PID1: variants seen among roughly 807,000 people sequenced by gnomAD.
The protein encoded by PID1 is PTB-containing, cubilin and LRP1-interacting protein.
PID1 carries 10 observed loss-of-function variants against 19.1 expected under a neutral mutation model. That is an observed-to-expected ratio of 0.52 (90% CI 0.32 to 0.89). PID1 has a LOEUF of 0.89. Among genes scored for constraint, PID1 ranks in the 40% least tolerant of loss-of-function variants. The pLI, the probability that PID1 is intolerant of heterozygous loss-of-function variation, is 0.03. For missense variants in PID1, 248 were observed against 285.3 expected (o/e 0.87, Z 0.94); for synonymous variants, 130 against 116.0 (o/e 1.12, Z -0.78).
At chr2:229,036,044 G>T in intron 2 of PID1, among the ~76,000 whole-genome samples, 1 of 152,152 alleles carries the variant, frequency 6.6e-6, no homozygotes, top group East Asian at 1.9e-4. Context: ...CCACTTCAAA[G>T]AATAATTCCA....
chr2:229,252,972 T>G (rs1690192993), intron 1 of PID1, among the ~76,000 whole-genome samples: 1 of 152,190 alleles, frequency 6.6e-6, no homozygotes, highest in Admixed American at 6.5e-5. Context: ...TTTTGAAGAT[T>G]TCTGCCTTGT....
At chr2:229,258,869 A>C (rs1690379915) in intron 1 of PID1, among the ~76,000 whole-genome samples, 1 of 151,590 alleles carries the variant, frequency 6.6e-6, no homozygotes, top group Non-Finnish European at 1.5e-5. Context: ...CTCAAAAAAA[A>C]AAAAAAAAAA....
intron 2 of PID1, among the ~76,000 whole-genome samples, chr2:229,117,862 G>A (rs531005479): frequency 1.3e-5 from 2 of 151,974 alleles, no homozygotes; most frequent in Non-Finnish European, 1.5e-5. Flanking sequence ...CCTTTTTCAG[G>A]AGACTTCCCT....
chr2:229,178,814 C>G (rs773355783), intron 1 of PID1, among the ~76,000 whole-genome samples: 1 of 151,994 alleles, frequency 6.6e-6, no homozygotes, highest in Non-Finnish European at 1.5e-5. Context: ...CTCTTGTGGT[C>G]TGGAGGAATC....
At chr2:229,246,805 G>C (rs764686341) in intron 1 of PID1, among the ~76,000 whole-genome samples, 4 of 152,070 alleles carry the variant, frequency 2.6e-5, no homozygotes, top group Admixed American at 2.6e-4. Context: ...CTGCACATCC[G>C]GTCTCCAGCT....
intron 2 of PID1, among the ~76,000 whole-genome samples, chr2:229,053,305 A>G (rs10490034): frequency 0.14 from 21,329 of 152,188 alleles, 2,167 homozygotes; most frequent in African/African-American, 0.27. Flanking sequence ...GGATTTTCAA[A>G]AACTATAAAC....
intron 1 of PID1, among the ~76,000 whole-genome samples, chr2:229,257,161 C>G (rs1690322845): frequency 6.6e-6 from 1 of 152,210 alleles, no homozygotes; most frequent in Non-Finnish European, 1.5e-5. Context: ...GTTTTTCCAA[C>G]TGAGTCAGAT....
intron 1 of PID1, among the ~76,000 whole-genome samples, chr2:229,218,161 G>C (rs974427546): frequency 6.6e-6 from 1 of 152,058 alleles, no homozygotes; most frequent in Non-Finnish European, 1.5e-5. Flanking sequence ...GGGCCTGTGA[G>C]AGTGACTGGA....
intron 1 of PID1, among the ~76,000 whole-genome samples, chr2:229,233,547 A>C (rs1473896599): frequency 6.7e-6 from 1 of 149,516 alleles, no homozygotes; most frequent in South Asian, 2.1e-4. Context: ...GCTGGAGTGC[A>C]GTGGAGCGAT....
At chr2:229,160,391 A>G (rs1690469005) in intron 1 of PID1, among the ~76,000 whole-genome samples, 1 of 152,052 alleles carries the variant, frequency 6.6e-6, no homozygotes, top group African/African-American at 2.4e-5. Flanking sequence ...AATTGGAGAC[A>G]GGAAGATAAC....
chr2:229,027,567 C>T (rs967189331), intron 2 of PID1, among the ~76,000 whole-genome samples: 2 of 152,148 alleles, frequency 1.3e-5, no homozygotes, highest in Admixed American at 1.3e-4. Context: ...CAGCAAAGTA[C>T]TGTGAGTGTT....
intron 2 of PID1, among the ~76,000 whole-genome samples, chr2:229,148,337 T>G (rs1333677773): frequency 2.6e-5 from 4 of 152,134 alleles, no homozygotes; most frequent in Admixed American, 6.5e-5. Flanking sequence ...ATAAGGAGTG[T>G]GTATTTGAAC....
chr2:229,189,755 C>T (rs1039547788), intron 1 of PID1, among the ~76,000 whole-genome samples: 16 of 152,094 alleles, frequency 1.1e-4, no homozygotes, highest in South Asian at 4.2e-4. Flanking sequence ...TAATCCATAA[C>T]GCAGAACAGT....
At chr2:229,202,193 C>T (rs552119113) in intron 1 of PID1, among the ~76,000 whole-genome samples, 1 of 151,892 alleles carries the variant, frequency 6.6e-6, no homozygotes, top group African/African-American at 2.4e-5. Context: ...CTAATTTGAC[C>T]GTCTGGAAGT....
At chr2:229,216,878 T>C (rs577488790) in intron 1 of PID1, among the ~76,000 whole-genome samples, 1 of 149,066 alleles carries the variant, frequency 6.7e-6, no homozygotes, top group South Asian at 2.1e-4. Context: ...ATTTTATATA[T>C]ACATATATTT....
intron 2 of PID1, among the ~76,000 whole-genome samples, chr2:229,102,275 A>G (rs763433477): frequency 5.3e-5 from 8 of 152,206 alleles, no homozygotes; most frequent in Non-Finnish European, 1.0e-4. Context: ...GAACTGTTCT[A>G]TAACAAGTTA....
At chr2:229,222,517 C>T (rs938401915) in intron 1 of PID1, among the ~76,000 whole-genome samples, 2 of 152,104 alleles carry the variant, frequency 1.3e-5, no homozygotes, top group East Asian at 3.9e-4. Flanking sequence ...GTCAACTTGA[C>T]TGGACCACAG....
At position 229,237,337 on chromosome 2, in the gene PID1, G is replaced by A. The variant is rs1689733678; in HGVS notation, c.30+33677C>T. On this transcript the variant is annotated intron_variant, in intron 1 of 2. Transcript: ENST00000392055. ...TCTACAGTTATGAATTACTTTGGTG[G>A]ACAAGAGAAGCAAACAAATGTTATG... Among the ~76,000 whole-genome samples the A allele has an allele frequency of 2.0e-5, 3 of 152,078 alleles. No individual in the cohort carries two copies. The South Asian group carries it at 6.2e-4, about 32-fold the overall frequency.
rs60513006 is a variant in PID1, at chr2:229,134,231, G to GTTTTTTTTT, written c.177+21578_177+21586dup. The stretch of plus-strand genomic sequence containing the variant: ...TTCAATAACAATGTTTACTACCTGT[G>GTTTTTTTTT]TTTTTTTTTTTTTTTTTTTTTGAGA... On this transcript the variant is annotated intron_variant, in intron 2 of 2. Coordinates refer to ENST00000392055, the MANE Select transcript of PID1 (RefSeq NM_001100818.2). Among the ~76,000 whole-genome samples the GTTTTTTTTT allele has an allele frequency of 2.4e-3, 259 of 109,152 alleles. 9 individuals carry two copies. The highest frequency in any genetic ancestry group is 4.4e-3 in the African/African-American group (122 of 27,860). The allele number at this position is 109,152 out of a possible 152,430, so 71.6% of individuals were successfully genotyped here. A position where few individuals can be genotyped will look rare whatever the true frequency, so the allele number is the denominator to read the frequency against.
Sources: gnomAD v4.1 joint callset for allele counts (sites outside exome capture counted in the v4.1 genomes callset) on GRCh38, gnomAD v4.1.1 for gene constraint, MANE v1.5 for transcripts, NCBI Gene and HGNC (gene_info 2026-07-23, HGNC 2026-07-21) for gene names.